AXDND1: variants seen among roughly 807,000 people sequenced by gnomAD.
AXDND1 encodes the protein axonemal dynein light chain domain-containing protein 1.
A neutral mutation model predicts 137.5 loss-of-function variants in AXDND1; 110 were observed. The ratio of observed to expected loss-of-function variants is 0.80; its 90% CI spans 0.69 to 0.94. The LOEUF (loss-of-function observed/expected upper bound fraction) is 0.94. AXDND1 is among the 40% of genes least tolerant of loss of function. The probability of loss-of-function intolerance (pLI) is 0.00; values close to 1 mark genes in which losing one functional copy is unlikely to be tolerated. For missense variants in AXDND1, 1,191 were observed against 1,169.8 expected (o/e 1.02, Z -0.26); for synonymous variants, 414 against 399.7 (o/e 1.04, Z -0.43).
Position 179,393,995 on chromosome 1 carries a change from T to C in AXDND1, c.956T>C (p.Ile319Thr). The change falls in exon 10 of 26, where the codon ATT becomes ACT. Residue 319 changes from isoleucine to threonine, a missense_variant. Transcript: ENST00000367618. ...ACTCAGCGAGTGATGGACCAGCGCA[T>C]TTTAGAAGAATTGTATAATTTCAAG... The part of the protein sequence containing the change: ...LVTQRVMDQR[I>T]LEELYNFKHV... 1.9e-6 allele frequency: 3 copies of C among 1,611,162 alleles called. No homozygotes were observed. Among genetic ancestry groups the C allele is most frequent in the Middle Eastern group, 3.3e-4 (2 of 6,050 alleles).
At chr1:179,429,268 C>G (rs894397479) in intron 12 of AXDND1, among the ~76,000 whole-genome samples, 1 of 151,936 alleles carries the variant, frequency 6.6e-6, no homozygotes, top group Non-Finnish European at 1.5e-5. Context: ...ATAAAGGGGC[C>G]TTGAGATAAC....
At chr1:179,514,779 T>C (rs921824459) in intron 21 of AXDND1, among the ~76,000 whole-genome samples, 1 of 152,194 alleles carries the variant, frequency 6.6e-6, no homozygotes, top group Non-Finnish European at 1.5e-5. Flanking sequence ...AGGATTGTGA[T>C]ATTTTCTTGT....
intron 21 of AXDND1, among the ~76,000 whole-genome samples, chr1:179,516,313 TTCTTTATGCCA>T (rs1186019959): frequency 6.6e-6 from 1 of 152,228 alleles, no homozygotes; most frequent in Non-Finnish European, 1.5e-5. Flanking sequence ...TGATTGCTTT[TTCTTTATGCCA>T]TCTATTTCCT....
intron 4 of AXDND1, 120 bp downstream of exon 4, chr1:179,370,198 A>T: frequency 1.2e-6 from 1 of 802,352 alleles, no homozygotes; most frequent in Non-Finnish European, 2.0e-6. Context: ...TAAAATTTAC[A>T]GTATCTTTGA....
chr1:179,476,519 T>A (rs12136916), intron 17 of AXDND1, among the ~76,000 whole-genome samples: 69,323 of 151,920 alleles, frequency 0.46, 16,697 homozygotes, highest in East Asian at 0.76. Flanking sequence ...CCTCTAGGAT[T>A]TATTGTAAGG....
intron 16 of AXDND1, among the ~76,000 whole-genome samples, chr1:179,459,687 T>TTTTC (rs941326287): frequency 9.5e-6 from 1 of 105,006 alleles, no homozygotes; most frequent in Admixed American, 9.5e-5. Flanking sequence ...TCTTCTTTTC[T>TTTTC]TTTCTTTCTT....
At chr1:179,482,981 T>G in intron 17 of AXDND1, 147 bp from the exon 18 acceptor site, 1 of 501,070 alleles carries the variant, frequency 2.0e-6, no homozygotes. Flanking sequence ...AATTCAGGGC[T>G]TTGATTCCCC....
At chr1:179,393,714 TTTC>T (rs1313665463) in intron 9 of AXDND1, among the ~76,000 whole-genome samples, 186 bp from the exon 10 acceptor site, 1 of 152,078 alleles carries the variant, frequency 6.6e-6, no homozygotes, top group Non-Finnish European at 1.5e-5. Flanking sequence ...TCCTAAGTAT[TTTC>T]TTTTCTTTTT....
chr1:179,550,525 C>A (rs183971249), intron 25 of AXDND1: 1 of 152,268 alleles, frequency 6.6e-6, no homozygotes, highest in Non-Finnish European at 1.5e-5. Flanking sequence ...AAAAAGGAAT[C>A]TCCACAAAAA....
chr1:179,433,721 T>C (rs1383807084), intron 15 of AXDND1, among the ~76,000 whole-genome samples: 1 of 152,230 alleles, frequency 6.6e-6, no homozygotes, highest in African/African-American at 2.4e-5. Context: ...CACTGTGGTC[T>C]GGGAGATTGT....
At chr1:179,545,288 T>C (rs1277869031) in intron 25 of AXDND1, 1 of 152,240 alleles carries the variant, frequency 6.6e-6, no homozygotes, top group Non-Finnish European at 1.5e-5. Context: ...TTTAGACCTT[T>C]ACCTGTTCTT....
chr1:179,402,993 T>C (rs1265633537), intron 11 of AXDND1, among the ~76,000 whole-genome samples: 7 of 152,206 alleles, frequency 4.6e-5, no homozygotes, highest in Admixed American at 4.6e-4. Context: ...TACAGTCGAC[T>C]GTTGAACAAT....
rs564600312 is a variant in AXDND1 at position 179,479,693 on chromosome 1, C to T, written c.1998-3435C>T. The stretch of plus-strand genomic sequence containing the variant: ...TTGGGAGGCTGAGGCAGGAGAATGG[C>T]GTGAACCTGGGAGGCAGTGCTTGCG... On this transcript the variant is annotated intron_variant, in intron 17 of 25. Transcript: ENST00000367618. Among the ~76,000 whole-genome samples the T allele has an allele frequency of 3.4e-3, 525 of 152,242 alleles. 1 individual carries two copies. Among genetic ancestry groups the T allele is most frequent in the Non-Finnish European group, 5.6e-3 (380 of 68,016 alleles).
At chr1:179,372,634 G>A (rs1050791925) in intron 4 of AXDND1, among the ~76,000 whole-genome samples, 2 of 152,034 alleles carry the variant, frequency 1.3e-5, no homozygotes, top group Admixed American at 6.6e-5. Flanking sequence ...GTGGAAGCGG[G>A]TGTTTTACCA....
rs192491291 is a variant in AXDND1, at chr1:179,481,954, A to G, written c.1998-1174A>G. On this transcript the variant is annotated intron_variant, in intron 17 of 25. Transcript: ENST00000367618. ...TTGTTTCCTGCAAACTAGTTAGCCT[A>G]CAGTTTAACCTATATCTTGAATCTC... 1.7e-4 allele frequency among the ~76,000 whole-genome samples: 26 copies of G among 152,274 alleles called. No individual in the cohort carries two copies. In the East Asian group the frequency reaches 4.6e-3, roughly 27 times the overall value.
intron 25 of AXDND1, among the ~76,000 whole-genome samples, chr1:179,547,735 A>G (rs1558331219): frequency 1.3e-5 from 2 of 152,128 alleles, no homozygotes; most frequent in South Asian, 2.1e-4. Flanking sequence ...GAAAGTCTGA[A>G]GATTAAGAGT....
At chr1:179,551,086 G>A (rs949019567) in intron 25 of AXDND1, 7 of 1,549,974 alleles carry the variant, frequency 4.5e-6, no homozygotes, top group Admixed American at 1.7e-5. Context: ...CCAAAGGAAG[G>A]GCAGGGAATG....
At chr1:179,447,853 C>A in intron 16 of AXDND1, 1 of 1,327,174 alleles carries the variant, frequency 7.5e-7, no homozygotes, top group Admixed American at 1.7e-5. Flanking sequence ...ACCTGCATTG[C>A]CAGTACTTGG....
At chr1:179,452,722 GAAAA>G (rs1660726988) in intron 16 of AXDND1, 1 of 86,984 alleles carries the variant, frequency 1.1e-5, no homozygotes, top group Non-Finnish European at 2.4e-5. Context: ...AAAAAAAAAA[GAAAA>G]GAAAATCCCA....
Sources: allele counts gnomAD v4.1 joint callset (sites outside exome capture counted in the v4.1 genomes callset), GRCh38; gene constraint gnomAD v4.1.1; transcripts MANE v1.5; gene names NCBI Gene and HGNC (gene_info 2026-07-23, HGNC 2026-07-21).